Variants in PBX1 observed in about 807,000 individuals in gnomAD.
PBX1 encodes pre-B-cell leukemia transcription factor 1.
PBX1 carries 6 observed loss-of-function variants against 53.4 expected under a neutral mutation model. The observed-to-expected ratio is 0.11, with a 90% CI of 0.06 to 0.22. PBX1 has a LOEUF of 0.22. Ranked by LOEUF, PBX1 falls within the 10% of genes least tolerant of loss-of-function variation. The probability of loss-of-function intolerance (pLI) is 1.00; values close to 1 mark genes in which losing one functional copy is unlikely to be tolerated. For synonymous variants in PBX1, 204 were observed against 212.3 expected (o/e 0.96, Z 0.34); for missense variants, 251 against 551.4 (o/e 0.46, Z 5.46).
chr1:164,862,672 T>C (rs1672128097), intron 2 of PBX1, among the ~76,000 whole-genome samples: 1 of 152,098 alleles, frequency 6.6e-6, no homozygotes, highest in South Asian at 2.1e-4. Flanking sequence ...TGCAACACTG[T>C]TTAATGTGTC....
chr1:164,669,289 C>T (rs920763035), intron 2 of PBX1, among the ~76,000 whole-genome samples: 18 of 152,204 alleles, frequency 1.2e-4, no homozygotes, highest in South Asian at 2.1e-4. Context: ...ATACAACAGA[C>T]GTCTGTCTTA....
chr1:164,801,262 A>T (rs1210099616), intron 4 of PBX1, among the ~76,000 whole-genome samples: 1 of 152,016 alleles, frequency 6.6e-6, no homozygotes, highest in Non-Finnish European at 1.5e-5. Flanking sequence ...CCTCTCCCTC[A>T]CCCGTGGCCT....
At chr1:164,689,869 C>G (rs1662359322) in intron 2 of PBX1, among the ~76,000 whole-genome samples, 1 of 152,086 alleles carries the variant, frequency 6.6e-6, no homozygotes, top group Admixed American at 6.6e-5. Context: ...TCCCCTTGAG[C>G]TTTTTCAGTA....
At chr1:164,810,845 G>A (rs968774045) in intron 5 of PBX1, among the ~76,000 whole-genome samples, 2 of 151,888 alleles carry the variant, frequency 1.3e-5, no homozygotes, top group Non-Finnish European at 2.9e-5. Context: ...TAATATTGTG[G>A]TGGTACAGAC....
intron 2 of PBX1, among the ~76,000 whole-genome samples, chr1:164,717,015 G>C (rs542908026): frequency 6.6e-6 from 1 of 152,124 alleles, no homozygotes; most frequent in Admixed American, 6.5e-5. Flanking sequence ...AAATGGGCAC[G>C]GTTGAAGTCA....
At chr1:164,780,291 G>C (rs1667867609) in intron 2 of PBX1, among the ~76,000 whole-genome samples, 1 of 152,180 alleles carries the variant, frequency 6.6e-6, no homozygotes, top group African/African-American at 2.4e-5. Context: ...CTCCAGTGCT[G>C]CTTCCTCTCG....
chr1:164,604,225 G>A (rs1656399481), intron 2 of PBX1, among the ~76,000 whole-genome samples: 1 of 152,162 alleles, frequency 6.6e-6, no homozygotes, highest in Admixed American at 6.5e-5. Flanking sequence ...ACAGGCGTGA[G>A]CCACTGCGTC....
At chr1:164,584,739 C>G (rs538524143) in intron 2 of PBX1, among the ~76,000 whole-genome samples, 1 of 152,104 alleles carries the variant, frequency 6.6e-6, no homozygotes, top group South Asian at 2.1e-4. Flanking sequence ...GACTAGGAAG[C>G]TGGCTGGACA....
At chr1:164,653,361 A>T (rs1456030630) in intron 2 of PBX1, among the ~76,000 whole-genome samples, 9 of 147,898 alleles carry the variant, frequency 6.1e-5, no homozygotes, top group Non-Finnish European at 9.0e-5. Flanking sequence ...TTTTTTTTTT[A>T]AATCTTTTTA....
chr1:164,740,781 T>C (rs1414786150), intron 2 of PBX1, among the ~76,000 whole-genome samples: 2 of 152,184 alleles, frequency 1.3e-5, no homozygotes, highest in Non-Finnish European at 2.9e-5. Flanking sequence ...CACTGAACTC[T>C]TTTCAGTACT....
At chr1:164,621,454 G>C (rs113503006) in intron 2 of PBX1, among the ~76,000 whole-genome samples, 1 of 152,134 alleles carries the variant, frequency 6.6e-6, no homozygotes, top group South Asian at 2.1e-4. Flanking sequence ...AGGACTGCCT[G>C]GGGGGTGCTA....
chr1:164,772,245 G>C (rs975700596), intron 2 of PBX1, among the ~76,000 whole-genome samples: 11 of 152,176 alleles, frequency 7.2e-5, no homozygotes, highest in African/African-American at 2.7e-4. Flanking sequence ...TTTGCCGTTA[G>C]ATCTTGGGGT....
chr1:164,864,700 C>T (rs918869946), intron 2 of PBX1, among the ~76,000 whole-genome samples: 1 of 152,166 alleles, frequency 6.6e-6, no homozygotes, highest in Non-Finnish European at 1.5e-5. Flanking sequence ...TGGCCTATCC[C>T]AGGGCAGCTA....
chr1:164,622,989 A>G (rs1229480529), intron 2 of PBX1, among the ~76,000 whole-genome samples: 3 of 151,824 alleles, frequency 2.0e-5, no homozygotes, highest in African/African-American at 7.3e-5. Flanking sequence ...TAATTTTTGT[A>G]TTTTTAGTAG....
Position 164,849,144 on chromosome 1 carries a change from CA to C in PBX1, c.*2472del. ...CTTAGGGCAAAGTACGAAAGAGAGA[CA>C]AAAGGGTTCTCTTGGAAACAAGAAG... On this transcript the variant is annotated 3_prime_UTR_variant, in exon 9 of 9. Transcript: ENST00000420696. The C allele has an allele frequency of 1.4e-6, 2 of 1,386,262 alleles. No individual in the cohort carries two copies. The highest frequency in any genetic ancestry group is 1.9e-6 in the Non-Finnish European group (2 of 1,070,386). 85.9% of individuals were successfully genotyped at this position (1,386,262 alleles called of 1,614,324 possible). A position where few individuals can be genotyped will look rare whatever the true frequency, so the allele number is the denominator to read the frequency against.
At chr1:164,864,664 T>C (rs1273243773) in intron 2 of PBX1, among the ~76,000 whole-genome samples, 1 of 152,164 alleles carries the variant, frequency 6.6e-6, no homozygotes, top group East Asian at 1.9e-4. Context: ...GGACCTTGGC[T>C]GTCCTGCTAT....
chr1:164,752,214 G>C (rs1227625335), intron 2 of PBX1, among the ~76,000 whole-genome samples: 2 of 144,522 alleles, frequency 1.4e-5, no homozygotes, highest in African/African-American at 4.9e-5. Flanking sequence ...TTTTGTGTGT[G>C]TGTGTGTGTG....
At chr1:164,708,096 CAGTT>C (rs1190053980) in intron 2 of PBX1, among the ~76,000 whole-genome samples, 1 of 152,190 alleles carries the variant, frequency 6.6e-6, no homozygotes. Flanking sequence ...ACCTGCAAGT[CAGTT>C]AGGTGAGGCC....
In PBX1 at chr1:164,750,477, A is replaced by T. The variant is rs549705931; in HGVS notation, c.266-42017A>T. Among the ~76,000 whole-genome samples, 110 of 149,846 alleles carry T rather than the reference A, an allele frequency of 7.3e-4. 1 individual carries two copies. Among genetic ancestry groups the T allele is most frequent in the African/African-American group, 2.5e-3 (97 of 39,416 alleles). ...AAATTCTCAATCAGAGCTTAAAAAA[A>T]TTTTTTTTAAGCCCACAATAGAAAA... On this transcript the variant is annotated intron_variant, in intron 2 of 8. Transcript: ENST00000420696.
Sources: gnomAD v4.1 joint callset for allele counts (sites outside exome capture counted in the v4.1 genomes callset) on GRCh38, gnomAD v4.1.1 for gene constraint, MANE v1.5 for transcripts, NCBI Gene and HGNC (gene_info 2026-07-23, HGNC 2026-07-21) for gene names.